The following CACNA2D3 variants were observed in gnomAD, a reference collection of about 807,000 sequenced individuals.
CACNA2D3 encodes voltage-dependent calcium channel subunit alpha-2/delta-3.
CACNA2D3 carries 60 observed loss-of-function variants against 160.6 expected under a neutral mutation model. The ratio of observed to expected loss-of-function variants is 0.37; its 90% confidence interval spans 0.30 to 0.46. The LOEUF (loss-of-function observed/expected upper bound fraction) is 0.46, where lower values mean the gene tolerates loss of function less well. CACNA2D3 is among the 20% of genes least tolerant of loss of function. CACNA2D3 has a pLI of 1.00. For missense variants in CACNA2D3, 1,205 were observed against 1,365.0 expected (o/e 0.88, Z 1.85); for synonymous variants, 558 against 492.9 (o/e 1.13, Z -1.75).
chr3:54,778,087 C>T (rs1702457166), intron 13 of CACNA2D3, among the ~76,000 whole-genome samples: 1 of 152,140 alleles, frequency 6.6e-6, no homozygotes, highest in Non-Finnish European at 1.5e-5. Flanking sequence ...TCTTTTCCTT[C>T]CACATGGCAG....
At chr3:54,266,331 A>G (rs1702516770) in intron 2 of CACNA2D3, among the ~76,000 whole-genome samples, 1 of 152,222 alleles carries the variant, frequency 6.6e-6, no homozygotes, top group South Asian at 2.1e-4. Flanking sequence ...TTATTATCTC[A>G]GACAACTGAA....
intron 2 of CACNA2D3, among the ~76,000 whole-genome samples, chr3:54,136,064 A>T (rs933321915): frequency 1.3e-5 from 2 of 152,200 alleles, no homozygotes; most frequent in African/African-American, 4.8e-5. Flanking sequence ...TCTCCACTGG[A>T]AATCTGTTCT....
intron 13 of CACNA2D3, among the ~76,000 whole-genome samples, chr3:54,797,948 G>T (rs1575480472): frequency 6.6e-6 from 1 of 152,294 alleles, no homozygotes; most frequent in South Asian, 2.1e-4. Context: ...AGTTGCTTGA[G>T]AAATCTGGAA....
intron 29 of CACNA2D3, among the ~76,000 whole-genome samples, chr3:54,975,841 C>G (rs904240018): frequency 5.9e-5 from 9 of 151,974 alleles, no homozygotes; most frequent in African/African-American, 1.9e-4. Flanking sequence ...AGTCTAGGAA[C>G]CTATAATTGG....
At chr3:54,954,844 A>G (rs1408162800) in intron 27 of CACNA2D3, among the ~76,000 whole-genome samples, 1 of 152,220 alleles carries the variant, frequency 6.6e-6, no homozygotes, top group African/African-American at 2.4e-5. Flanking sequence ...ATCTTCAGAA[A>G]GAAGAACAAC....
intron 2 of CACNA2D3, among the ~76,000 whole-genome samples, chr3:54,293,540 T>A (rs998431639): frequency 6.7e-6 from 1 of 149,630 alleles, no homozygotes; most frequent in Non-Finnish European, 1.5e-5. Context: ...CTTCATTCCT[T>A]TTCATGACTG....
intron 3 of CACNA2D3, among the ~76,000 whole-genome samples, chr3:54,369,282 A>G (rs570842787): frequency 6.6e-6 from 1 of 151,994 alleles, no homozygotes; most frequent in African/African-American, 2.4e-5. Context: ...AAAAAAAAAA[A>G]CAGTGGTATA....
At chr3:54,883,799 A>C (rs201647358) in intron 21 of CACNA2D3, among the ~76,000 whole-genome samples, 9 of 107,474 alleles carry the variant, frequency 8.4e-5, no homozygotes, top group South Asian at 3.9e-4. Context: ...TTACAATGGA[A>C]TCTCTCTCTC....
chr3:54,838,751 C>T (rs1698749825), intron 16 of CACNA2D3, 103 bp downstream of exon 16: 1 of 852,936 alleles, frequency 1.2e-6, no homozygotes, highest in Non-Finnish European at 2.0e-6. Context: ...GATGTTTTTG[C>T]TCACCACTAT....
chr3:54,146,283 C>T (rs1250239002), intron 2 of CACNA2D3, among the ~76,000 whole-genome samples: 1 of 152,194 alleles, frequency 6.6e-6, no homozygotes, highest in African/African-American at 2.4e-5. Flanking sequence ...AACTTCCTTC[C>T]AGTCTGTGAC....
intron 6 of CACNA2D3, among the ~76,000 whole-genome samples, chr3:54,567,504 T>C (rs1174130304): frequency 8.1e-6 from 1 of 123,900 alleles, no homozygotes; most frequent in Admixed American, 8.2e-5. Flanking sequence ...CAGGTGGAGG[T>C]GGTTTTTTGT....
rs1699896338 is a variant in CACNA2D3, at chr3:54,885,304, G to T, written c.1936G>T (p.Asp646Tyr). The T allele has an allele frequency of 1.2e-6, 2 of 1,613,742 alleles. No homozygotes were observed. Among genetic ancestry groups the T allele is most frequent in the African/African-American group, 1.3e-5 (1 of 74,890 alleles). The change falls in exon 22 of 38, where the codon GAT becomes TAT. Residue 646 changes from aspartate to tyrosine, a missense_variant. Physicochemically the swap from Asp to Tyr is radical, Grantham distance 160. This residue lies in a region of CACNA2D3 where 911 missense variants were observed against 1,002.2 expected (regional missense o/e 0.91). Transcript: ENST00000474759. ...AGGCCTGCATGACTTAGAACATCCC[G>T]ATGTGTCCTTGGCAGATGAATGGTA... Reference protein sequence around the residue: ...EEGLHDLEHPDVSLADEWSYC... With the variant: ...EEGLHDLEHPYVSLADEWSYC...
chr3:54,924,235 G>A (rs1464959012), intron 27 of CACNA2D3, among the ~76,000 whole-genome samples: 1 of 152,170 alleles, frequency 6.6e-6, no homozygotes, highest in Non-Finnish European at 1.5e-5. Flanking sequence ...AAATATCCCA[G>A]AGAGAGATAA....
intron 13 of CACNA2D3, among the ~76,000 whole-genome samples, chr3:54,768,187 A>G (rs1220573669): frequency 1.3e-5 from 2 of 152,218 alleles, no homozygotes; most frequent in Non-Finnish European, 2.9e-5. Context: ...GCACCTGAAC[A>G]GTGGGATACT....
In CACNA2D3 at chr3:54,613,465, T is replaced by C. The variant is rs554972870; in HGVS notation, c.964-14322T>C. Among the ~76,000 whole-genome samples, 16 of 152,348 alleles carry C rather than the reference T, an allele frequency of 1.1e-4. No individual in the cohort carries two copies. In the South Asian group the frequency reaches 3.3e-3, roughly 32 times the overall value. ...GCTGTTTGGTTTTATAGCCTGTGAA[T>C]GGCCCTGGGCCTCTCTTGCCTTGTT... On this transcript the variant is annotated intron_variant, in intron 9 of 37. Coordinates refer to ENST00000474759, the MANE Select transcript of CACNA2D3 (RefSeq NM_018398.3).
intron 3 of CACNA2D3, among the ~76,000 whole-genome samples, chr3:54,331,997 C>T (rs1456907969): frequency 1.3e-5 from 2 of 152,174 alleles, no homozygotes; most frequent in Admixed American, 6.5e-5. Flanking sequence ...GTATTGGTCA[C>T]GTGGAGAAGG....
chr3:54,759,824 G>A (rs950554172), intron 12 of CACNA2D3, among the ~76,000 whole-genome samples: 3 of 152,208 alleles, frequency 2.0e-5, no homozygotes, highest in South Asian at 4.1e-4. Flanking sequence ...TCCCAGCAGC[G>A]AAAGAGGCAG....
intron 12 of CACNA2D3, among the ~76,000 whole-genome samples, chr3:54,763,714 T>G (rs1194893493): frequency 2.3e-5 from 3 of 129,452 alleles, no homozygotes; most frequent in Non-Finnish European, 5.1e-5. Context: ...TGTATATATA[T>G]GTACATATAT....
intron 4 of CACNA2D3, among the ~76,000 whole-genome samples, chr3:54,399,791 C>T (rs1355796315): frequency 1.8e-5 from 2 of 111,720 alleles, no homozygotes; most frequent in African/African-American, 7.2e-5. Flanking sequence ...GCCCTGCCCC[C>T]AGAGGTGGAG....
Sources: allele counts gnomAD v4.1 joint callset (sites outside exome capture counted in the v4.1 genomes callset), GRCh38; gene constraint gnomAD v4.1.1; regional missense constraint gnomAD v4.1.1; transcripts MANE v1.5; gene names NCBI Gene and HGNC (gene_info 2026-07-23, HGNC 2026-07-21).